Variants in BCKDHB observed in about 807,000 individuals in gnomAD.
The protein encoded by BCKDHB is branched chain keto acid dehydrogenase E1 subunit beta, also known as 2-oxoisovalerate dehydrogenase subunit beta, mitochondrial.
A neutral mutation model predicts 48.5 loss-of-function variants in BCKDHB; 41 were observed. That is an observed-to-expected ratio of 0.85 (90% CI 0.66 to 1.10). The LOEUF is 1.10. Ranked by LOEUF, BCKDHB falls within the 50% of genes least tolerant of loss-of-function variation. The probability of loss-of-function intolerance (pLI) is 0.00; values close to 1 mark genes in which losing one functional copy is unlikely to be tolerated. For missense variants in BCKDHB, 496 were observed against 494.2 expected (o/e 1.00, Z -0.03); for synonymous variants, 201 against 174.8 (o/e 1.15, Z -1.18).
In BCKDHB at chr6:80,261,294, A is replaced by T. The variant is rs200954405; in HGVS notation, c.952-11841A>T. Among the ~76,000 whole-genome samples, 6 of 152,150 alleles carry T rather than the reference A, an allele frequency of 3.9e-5. No homozygotes were observed. The South Asian group carries it at 6.2e-4, about 16-fold the overall frequency. On this transcript the variant is annotated intron_variant, in intron 8 of 9. Transcript: ENST00000320393. ...ACTTTGGGAAAGGACAAATGGAAGG[A>T]TAGGAGGAAAGCACGTCCATGCTCT... is the stretch of plus-strand genomic sequence containing the variant.
chr6:80,412,953 G>C, the BCKDHB span, among the ~76,000 whole-genome samples: 2 of 151,996 alleles, frequency 1.3e-5, no homozygotes, highest in Non-Finnish European at 2.9e-5. Context: ...TTTGATTTTT[G>C]ACAGTTTGAT....
chr6:80,226,806 G>A (rs1775699340), intron 8 of BCKDHB, among the ~76,000 whole-genome samples: 1 of 152,158 alleles, frequency 6.6e-6, no homozygotes, highest in Admixed American at 6.5e-5. Flanking sequence ...CTACCATTAA[G>A]CATATTATGC....
intron 8 of BCKDHB, among the ~76,000 whole-genome samples, chr6:80,264,491 T>C (rs1399162986): frequency 1.3e-5 from 2 of 152,156 alleles, no homozygotes; most frequent in Non-Finnish European, 2.9e-5. Context: ...ACTTGTCTCT[T>C]TTGTTTCTGT....
At chr6:80,127,456 A>G in intron 1 of BCKDHB, 91 bp from the exon 2 acceptor site, 1 of 1,019,148 alleles carries the variant, frequency 9.8e-7, no homozygotes, top group Non-Finnish European at 1.5e-6. Context: ...TTGTACCTTG[A>G]TTTTAGTCAA....
intron 6 of BCKDHB, among the ~76,000 whole-genome samples, chr6:80,174,536 A>G (rs1773064150): frequency 6.6e-6 from 1 of 152,102 alleles, no homozygotes; most frequent in African/African-American, 2.4e-5. Flanking sequence ...TTCCACCCAC[A>G]TTTAGTTGAA....
chr6:80,178,951 C>T (rs542339211), intron 6 of BCKDHB, among the ~76,000 whole-genome samples: 51 of 152,282 alleles, frequency 3.3e-4, no homozygotes, highest in Middle Eastern at 6.8e-3. Context: ...ATATAACTTC[C>T]TCCAGTGTCC....
At chr6:80,148,225 A>G (rs575491113) in intron 3 of BCKDHB, among the ~76,000 whole-genome samples, 3 of 152,300 alleles carry the variant, frequency 2.0e-5, no homozygotes, top group East Asian at 1.9e-4. Context: ...TCTTCATGAT[A>G]CTTTCTGGCT....
At chr6:80,414,502 A>G in the BCKDHB span, among the ~76,000 whole-genome samples, 2 of 152,134 alleles carry the variant, frequency 1.3e-5, no homozygotes, top group Admixed American at 1.3e-4. Flanking sequence ...AATCTTTTGC[A>G]TATGGGTAGG....
downstream of BCKDHB, among the ~76,000 whole-genome samples, chr6:80,350,534 G>T (rs1770363816): frequency 6.6e-6 from 1 of 152,080 alleles, no homozygotes; most frequent in South Asian, 2.1e-4. Flanking sequence ...TTCTTTGAGG[G>T]AGAAGAAGTG....
At position 80,193,281 on chromosome 6, in the gene BCKDHB, G is replaced by A. The variant is rs989021793; in HGVS notation, c.743-7653G>A. Among the ~76,000 whole-genome samples the A allele has an allele frequency of 2.1e-4, 32 of 152,204 alleles. 1 individual carries two copies. The highest frequency in any genetic ancestry group is 1.5e-3 in the East Asian group (8 of 5,188). The stretch of plus-strand genomic sequence containing the variant: ...CTTTCTGTTTCAAGTTAATATTGCT[G>A]TTCATTTAAAAATAACAGGTGATTT... On this transcript the variant is annotated intron_variant, in intron 6 of 9. Coordinates refer to ENST00000320393, the MANE Select transcript of BCKDHB (RefSeq NM_183050.4).
intron 8 of BCKDHB, among the ~76,000 whole-genome samples, chr6:80,203,483 G>A (rs1019081838): frequency 4.6e-5 from 7 of 152,054 alleles, no homozygotes; most frequent in South Asian, 4.1e-4. Context: ...GGGTTGAATT[G>A]TGTGAGTCAT....
rs148582754 is a variant in BCKDHB at position 80,168,995 on chromosome 6, C to G, written c.598C>G (p.Pro200Ala). The G allele has an allele frequency of 1.2e-6, 2 of 1,614,108 alleles. No individual in the cohort carries two copies. Among genetic ancestry groups the G allele is most frequent in the Non-Finnish European group, 8.5e-7 (1 of 1,179,992 alleles). The change falls in exon 5 of 10, where the codon CCT (proline) becomes GCT (alanine). Residue 200 changes from proline to alanine, a missense_variant. Physicochemically the swap from Pro to Ala is conservative, Grantham distance 27. Transcript: ENST00000320393. ...TGGGGCTCTCTATCATTCTCAGAGT[C>G]CTGAAGCATTTTTTGCCCATTGCCC... ...GHGALYHSQSPEAFFAHCPGI... is the reference protein window; with the variant it reads ...GHGALYHSQSAEAFFAHCPGI...
chr6:80,235,433 T>C (rs925514044), intron 8 of BCKDHB, among the ~76,000 whole-genome samples: 4 of 152,218 alleles, frequency 2.6e-5, no homozygotes, highest in Non-Finnish European at 5.9e-5. Flanking sequence ...TGAGGAAACA[T>C]GTATTTAGAC....
intron 3 of BCKDHB, among the ~76,000 whole-genome samples, chr6:80,139,375 GC>G (rs1291279426): frequency 6.6e-6 from 1 of 152,086 alleles, no homozygotes; most frequent in Admixed American, 6.5e-5. Flanking sequence ...TGAAGTCCTT[GC>G]CCATGCCTAT....
At chr6:80,369,669 T>C in the BCKDHB span, among the ~76,000 whole-genome samples, 8 of 152,200 alleles carry the variant, frequency 5.3e-5, no homozygotes, top group African/African-American at 1.9e-4. Flanking sequence ...GAACTTCTTA[T>C]TTCAGGCAGC....
At chr6:80,365,579 T>G in the BCKDHB span, among the ~76,000 whole-genome samples, 6 of 152,300 alleles carry the variant, frequency 3.9e-5, no homozygotes, top group East Asian at 1.2e-3. Context: ...GACCTAATGG[T>G]TGTCTTCCCT....
intron 3 of BCKDHB, among the ~76,000 whole-genome samples, chr6:80,141,197 C>A (rs1771190786): frequency 6.6e-6 from 1 of 151,766 alleles, no homozygotes; most frequent in Non-Finnish European, 1.5e-5. Context: ...TCTCTCTTTT[C>A]TTCTTTATTA....
At chr6:80,182,457 C>T (rs751937564) in intron 6 of BCKDHB, among the ~76,000 whole-genome samples, 13 of 152,164 alleles carry the variant, frequency 8.5e-5, no homozygotes, top group Non-Finnish European at 1.8e-4. Context: ...TTTACATTCT[C>T]AATGACTAAG....
intron 9 of BCKDHB, among the ~76,000 whole-genome samples, chr6:80,308,522 ATAAT>A (rs1767984999): frequency 1.3e-5 from 2 of 152,080 alleles, no homozygotes; most frequent in South Asian, 2.1e-4. Context: ...TTTTGTAGAT[ATAAT>A]TAAACAGTAC....
Sources: allele counts gnomAD v4.1 joint callset (sites outside exome capture counted in the v4.1 genomes callset), GRCh38; gene constraint gnomAD v4.1.1; transcripts MANE v1.5; gene names NCBI Gene and HGNC (gene_info 2026-07-23, HGNC 2026-07-21).